The following ALDH1A1 variants were observed in gnomAD, a reference collection of about 807,000 sequenced individuals.
ALDH1A1 encodes aldehyde dehydrogenase 1 family member A1.
ALDH1A1 carries 19 observed loss-of-function variants against 62.1 expected under a neutral mutation model. The observed-to-expected ratio is 0.31, with a 90% CI of 0.21 to 0.45. The LOEUF (loss-of-function observed/expected upper bound fraction) is 0.45, where lower values mean the gene tolerates loss of function less well. ALDH1A1 is among the 20% of genes least tolerant of loss of function. The probability of loss-of-function intolerance (pLI) is 1.00; values close to 1 mark genes in which losing one functional copy is unlikely to be tolerated. For missense variants in ALDH1A1, 521 were observed against 607.1 expected (o/e 0.86, Z 1.49); for synonymous variants, 231 against 215.9 (o/e 1.07, Z -0.61).
chr9:72,948,501 G>A (rs1444613033), intron 1 of ALDH1A1, among the ~76,000 whole-genome samples: 2 of 151,744 alleles, frequency 1.3e-5, no homozygotes, highest in African/African-American at 4.8e-5. Flanking sequence ...ACATGCTCTT[G>A]TCCTCGGGGT....
chr9:72,946,898 G>A (rs549410294), intron 1 of ALDH1A1, among the ~76,000 whole-genome samples: 1 of 151,942 alleles, frequency 6.6e-6, no homozygotes, highest in East Asian at 1.9e-4. Context: ...TTTACTTTGG[G>A]TTGGTCTTCA....
intron 11 of ALDH1A1, among the ~76,000 whole-genome samples, chr9:72,908,564 A>AAAG (rs567759215): frequency 6.4e-4 from 14 of 22,016 alleles, no homozygotes; most frequent in Middle Eastern, 0.083. Flanking sequence ...AGAAAGAAAG[A>AAAG]AAGAAAGAAA....
intron 1 of ALDH1A1, among the ~76,000 whole-genome samples, chr9:72,947,129 C>A (rs913521624): frequency 6.6e-6 from 1 of 151,920 alleles, no homozygotes; most frequent in South Asian, 2.1e-4. Context: ...GAAAACAAAA[C>A]AACTTGCCAA....
chr9:72,916,766 G>A (rs182761490), intron 9 of ALDH1A1, among the ~76,000 whole-genome samples, 154 bp downstream of exon 9: 29 of 152,230 alleles, frequency 1.9e-4, no homozygotes, highest in African/African-American at 6.0e-4. Context: ...ATTCTCACTG[G>A]GAGTTAGATT....
At chr9:72,903,896 G>A (rs1588128403) in intron 12 of ALDH1A1, among the ~76,000 whole-genome samples, 3 of 152,184 alleles carry the variant, frequency 2.0e-5, no homozygotes, top group East Asian at 3.9e-4. Flanking sequence ...GCCCTTCAGA[G>A]TAATCTAACC....
intron 5 of ALDH1A1, among the ~76,000 whole-genome samples, chr9:72,926,339 C>A (rs1478001172): frequency 6.6e-6 from 1 of 152,190 alleles, no homozygotes; most frequent in Non-Finnish European, 1.5e-5. Flanking sequence ...AATTAATAAG[C>A]AATTTCACTA....
At chr9:72,904,861 G>T (rs1241891152) in intron 12 of ALDH1A1, among the ~76,000 whole-genome samples, 2 of 152,022 alleles carry the variant, frequency 1.3e-5, no homozygotes, top group African/African-American at 4.8e-5. Flanking sequence ...AGGTTATTTT[G>T]CATGTCCTGC....
Position 72,927,071 on chromosome 9 carries a change from A to G in ALDH1A1, c.504+45T>C. 4 of 1,379,964 alleles carry G rather than the reference A, an allele frequency of 2.9e-6. No individual in the cohort carries two copies. In the East Asian group the frequency reaches 6.9e-5, roughly 24 times the overall value. The allele number at this position is 1,379,964 out of a possible 1,614,324, so 85.5% of individuals were successfully genotyped here. On this transcript the variant is annotated intron_variant, in intron 5 of 12. Coordinates refer to ENST00000297785, the MANE Select transcript of ALDH1A1 (RefSeq NM_000689.5). ...AAGCTTCATCATTAGATAGAATAAG[A>G]ACTCTTCTTTTTAAAATTGAGAATT...
chr9:72,910,869 T>A (rs1471908803), intron 10 of ALDH1A1, among the ~76,000 whole-genome samples: 3 of 152,176 alleles, frequency 2.0e-5, no homozygotes, highest in Non-Finnish European at 4.4e-5. Context: ...CAGCAGCTAC[T>A]CTAATAAATG....
intron 7 of ALDH1A1, among the ~76,000 whole-genome samples, chr9:72,920,507 C>T (rs150714296): frequency 3.3e-5 from 5 of 152,120 alleles, no homozygotes; most frequent in South Asian, 2.1e-4. Context: ...TTTAGGTTTA[C>T]GGAAGTAACT....
At chr9:72,935,033 T>C (rs1350534421) in intron 2 of ALDH1A1, among the ~76,000 whole-genome samples, 1 of 152,236 alleles carries the variant, frequency 6.6e-6, no homozygotes, top group Non-Finnish European at 1.5e-5. Flanking sequence ...TTACCTGTTT[T>C]ATAAACTCAT....
chr9:72,927,366 A>G (rs537710936), intron 4 of ALDH1A1, among the ~76,000 whole-genome samples, 189 bp from the exon 5 acceptor site: 50 of 152,330 alleles, frequency 3.3e-4, no homozygotes, highest in Non-Finnish European at 5.7e-4. Context: ...AGGTCAAGAG[A>G]TCGAGACCAT....
chr9:72,908,536 AAAGAAAG>A (rs1829916056), intron 11 of ALDH1A1, among the ~76,000 whole-genome samples: 2 of 125,426 alleles, frequency 1.6e-5, no homozygotes, highest in Non-Finnish European at 3.4e-5. Flanking sequence ...AGAAAGAAAG[AAAGAAAG>A]AAAAGAAAGA....
At chr9:72,935,816 C>T (rs1045515895) in intron 2 of ALDH1A1, among the ~76,000 whole-genome samples, 5 of 152,056 alleles carry the variant, frequency 3.3e-5, no homozygotes, top group Admixed American at 6.6e-5. Flanking sequence ...CCTCTTGGCT[C>T]ATTATCTACA....
At chr9:72,945,672 G>C (rs186683954) in intron 1 of ALDH1A1, among the ~76,000 whole-genome samples, 47 of 151,988 alleles carry the variant, frequency 3.1e-4, no homozygotes, top group Non-Finnish European at 1.2e-4. Flanking sequence ...TGAATAATGA[G>C]GAGGAGAGAC....
intron 8 of ALDH1A1, 80 bp from the exon 9 acceptor site, chr9:72,917,184 A>T: frequency 6.1e-6 from 7 of 1,139,316 alleles, no homozygotes; most frequent in Non-Finnish European, 7.9e-6. Context: ...CAACATGGAG[A>T]TAAAGAAAAA....
intron 7 of ALDH1A1, among the ~76,000 whole-genome samples, chr9:72,922,990 T>C (rs947389359): frequency 1.7e-4 from 26 of 152,372 alleles, no homozygotes; most frequent in African/African-American, 5.5e-4. Context: ...TTCTTTTTGC[T>C]ATGTAAATTT....
intron 1 of ALDH1A1, among the ~76,000 whole-genome samples, chr9:72,943,701 A>C (rs2118574213): frequency 6.6e-6 from 1 of 152,272 alleles, no homozygotes; most frequent in South Asian, 2.1e-4. Flanking sequence ...TTTGTCCAAT[A>C]ATGAGTAAAT....
intron 10 of ALDH1A1, among the ~76,000 whole-genome samples, chr9:72,910,042 T>C (rs1342340845): frequency 6.6e-6 from 1 of 152,198 alleles, no homozygotes; most frequent in East Asian, 1.9e-4. Context: ...CTTATGATTG[T>C]GCAACAAATC....
Sources: allele counts gnomAD v4.1 joint callset (sites outside exome capture counted in the v4.1 genomes callset), GRCh38; gene constraint gnomAD v4.1.1; transcripts MANE v1.5; gene names NCBI Gene and HGNC (gene_info 2026-07-23, HGNC 2026-07-21).